CTNNA3: variants seen among roughly 807,000 people sequenced by gnomAD.
CTNNA3 encodes the protein catenin alpha 3.
A neutral mutation model predicts 95.7 loss-of-function variants in CTNNA3; 76 were observed. The observed-to-expected ratio is 0.79, with a 90% confidence interval of 0.66 to 0.96. The LOEUF (loss-of-function observed/expected upper bound fraction) is 0.96. CTNNA3 is among the 40% of genes least tolerant of loss of function. The pLI is 0.00. For missense variants in CTNNA3, 1,191 were observed against 1,089.8 expected (o/e 1.09, Z -1.31); for synonymous variants, 431 against 374.4 (o/e 1.15, Z -1.74).
At chr10:67,496,251 G>T (rs1048385762) in intron 5 of CTNNA3, among the ~76,000 whole-genome samples, 2 of 152,060 alleles carry the variant, frequency 1.3e-5, no homozygotes, top group Non-Finnish European at 2.9e-5. Context: ...ACTCCTATGT[G>T]CCTTTTTATT....
intron 9 of CTNNA3, among the ~76,000 whole-genome samples, chr10:66,630,752 T>G (rs1380533167): frequency 8.5e-6 from 1 of 118,184 alleles, no homozygotes; most frequent in Non-Finnish European, 2.1e-5. Flanking sequence ...CTGCTCTGCT[T>G]CCCTTGGTAG....
intron 5 of CTNNA3, among the ~76,000 whole-genome samples, chr10:67,488,115 G>A (rs1007709806): frequency 6.6e-6 from 1 of 152,108 alleles, no homozygotes; most frequent in African/African-American, 2.4e-5. Context: ...GGAGGTTCTT[G>A]GGCAACAAGG....
chr10:66,601,157 C>T (rs1260568473), intron 10 of CTNNA3, among the ~76,000 whole-genome samples: 1 of 151,830 alleles, frequency 6.6e-6, no homozygotes, highest in African/African-American at 2.4e-5. Flanking sequence ...AAGAGGTCAT[C>T]TTTTCCTTTA....
chr10:66,585,883 G>C (rs1027866032), intron 10 of CTNNA3, among the ~76,000 whole-genome samples: 7 of 151,938 alleles, frequency 4.6e-5, no homozygotes, highest in Non-Finnish European at 1.0e-4. Context: ...TCTCATTTGT[G>C]TAGGCTATTT....
intron 13 of CTNNA3, among the ~76,000 whole-genome samples, chr10:66,277,017 A>T (rs955053428): frequency 1.3e-5 from 2 of 152,110 alleles, no homozygotes; most frequent in Non-Finnish European, 2.9e-5. Flanking sequence ...AATATCAAAC[A>T]GATCAAAATA....
At chr10:66,739,531 A>T (rs1286769745) in intron 9 of CTNNA3, among the ~76,000 whole-genome samples, 1 of 152,230 alleles carries the variant, frequency 6.6e-6, no homozygotes, top group East Asian at 1.9e-4. Context: ...TTTAGTTAAA[A>T]TATGTTATGT....
intron 10 of CTNNA3, among the ~76,000 whole-genome samples, chr10:66,534,124 A>T (rs994787835): frequency 2.0e-5 from 3 of 152,152 alleles, no homozygotes; most frequent in Admixed American, 1.3e-4. Context: ...GAGTTAGCAA[A>T]AGGTAAACAT....
At position 66,564,934 on chromosome 10, in the gene CTNNA3, T is replaced by C. The variant is rs367665530; in HGVS notation, c.1375-44161A>G. ...TCATAAAGCTAGTAAAAGTCAGAAATAGCATTAGAACCTATGTATCTTTGG... is the reference window on the plus strand; with the variant it reads ...TCATAAAGCTAGTAAAAGTCAGAAACAGCATTAGAACCTATGTATCTTTGG... On this transcript the variant is annotated intron_variant, in intron 10 of 17. Transcript: ENST00000433211. 3.5e-4 allele frequency among the ~76,000 whole-genome samples: 54 copies of C among 152,290 alleles called. 2 individuals are homozygous for C. The South Asian group carries it at 0.011, about 31-fold the overall frequency.
chr10:66,326,123 G>T (rs1749325757), intron 12 of CTNNA3, among the ~76,000 whole-genome samples: 1 of 152,084 alleles, frequency 6.6e-6, no homozygotes, highest in African/African-American at 2.4e-5. Flanking sequence ...AATTTTGAAA[G>T]TAATACTTGG....
intron 15 of CTNNA3, among the ~76,000 whole-genome samples, chr10:66,040,454 T>C (rs1332339577): frequency 6.6e-6 from 1 of 151,846 alleles, no homozygotes; most frequent in Non-Finnish European, 1.5e-5. Context: ...CTATTCACAA[T>C]AGCAAAGACA....
intron 11 of CTNNA3, among the ~76,000 whole-genome samples, chr10:66,506,163 T>C (rs1840443771): frequency 6.6e-6 from 1 of 152,112 alleles, no homozygotes; most frequent in Non-Finnish European, 1.5e-5. Context: ...AATTCACTCA[T>C]TACCAAGAGG....
At chr10:66,908,741 T>G (rs10762119) in intron 7 of CTNNA3, among the ~76,000 whole-genome samples, 132,464 of 152,000 alleles carry the variant, frequency 0.87, 58,074 homozygotes, top group East Asian at 0.99. Flanking sequence ...TTCAGGTTTT[T>G]CCCCTGTAAG....
At position 66,941,405 on chromosome 10, in the gene CTNNA3, C is replaced by T. The variant is rs556418621; in HGVS notation, c.1048-165881G>A. On this transcript the variant is annotated intron_variant, in intron 7 of 17. Coordinates refer to ENST00000433211, the MANE Select transcript of CTNNA3 (RefSeq NM_013266.4). ...GAAATAATTTGCAACTAGGCACTGC[C>T]AGGAGAATATCTTAGGTTCCTCTCA... Among the ~76,000 whole-genome samples, 44 of 152,252 alleles carry T rather than the reference C, an allele frequency of 2.9e-4. No homozygotes were observed. The South Asian group carries it at 8.1e-3, about 28-fold the overall frequency.
chr10:66,149,932 A>G (rs1479093475), intron 13 of CTNNA3, among the ~76,000 whole-genome samples: 1 of 152,178 alleles, frequency 6.6e-6, no homozygotes, highest in Non-Finnish European at 1.5e-5. Flanking sequence ...CCACACTTCA[A>G]TAAAAGTTTT....
chr10:66,438,928 T>A (rs945827303), intron 11 of CTNNA3, among the ~76,000 whole-genome samples: 1 of 152,158 alleles, frequency 6.6e-6, no homozygotes, highest in Non-Finnish European at 1.5e-5. Context: ...CCCTCATGGC[T>A]TCCCTTGGCT....
At chr10:65,927,564 T>G (rs1473861157) in intron 17 of CTNNA3, among the ~76,000 whole-genome samples, 1 of 152,192 alleles carries the variant, frequency 6.6e-6, no homozygotes, top group East Asian at 1.9e-4. Context: ...GGTATGTAAT[T>G]TTTTGTGTGA....
chr10:66,248,191 A>T (rs1264084039), intron 13 of CTNNA3, among the ~76,000 whole-genome samples: 1 of 152,124 alleles, frequency 6.6e-6, no homozygotes, highest in Non-Finnish European at 1.5e-5. Context: ...AAAATAATAG[A>T]TTATAAGATA....
chr10:66,862,201 G>A (rs568986351), intron 7 of CTNNA3, among the ~76,000 whole-genome samples: 19 of 152,226 alleles, frequency 1.2e-4, no homozygotes, highest in African/African-American at 3.6e-4. Context: ...GCAACAGAGC[G>A]AGACACTGTC....
At chr10:67,760,591 G>C (rs1841457064) in intron 1 of CTNNA3, among the ~76,000 whole-genome samples, 1 of 152,108 alleles carries the variant, frequency 6.6e-6, no homozygotes, top group Admixed American at 6.5e-5. Context: ...ACTGGTACCG[G>C]TCCGTGGCCT....
Sources: allele counts gnomAD v4.1 joint callset (sites outside exome capture counted in the v4.1 genomes callset), GRCh38; gene constraint gnomAD v4.1.1; transcripts MANE v1.5; gene names NCBI Gene and HGNC (gene_info 2026-07-23, HGNC 2026-07-21).